Variants in TDRD3 observed in about 807,000 individuals in gnomAD.
TDRD3 encodes tudor domain-containing protein 3.
TDRD3 carries 45 observed loss-of-function variants against 86.7 expected under a neutral mutation model. The observed-to-expected ratio is 0.52, with a 90% confidence interval of 0.41 to 0.67. The LOEUF is 0.67. Ranked by LOEUF, TDRD3 falls within the 30% of genes least tolerant of loss-of-function variation. The pLI, the probability that TDRD3 is intolerant of heterozygous loss-of-function variation, is 0.00. For missense variants in TDRD3, 814 were observed against 889.0 expected, an observed-to-expected ratio of 0.92 and a Z score of 1.07; for synonymous variants, 298 against 301.7, an observed-to-expected ratio of 0.99 and a Z score of 0.13.
At chr13:60,419,783 A>G (rs929168681) in intron 1 of TDRD3, among the ~76,000 whole-genome samples, 7 of 152,156 alleles carry the variant, frequency 4.6e-5, no homozygotes, top group Non-Finnish European at 7.4e-5. Flanking sequence ...CATGTATCCC[A>G]GAACTTAAAG....
intron 7 of TDRD3, among the ~76,000 whole-genome samples, chr13:60,487,545 T>C (rs1394608098): frequency 2.0e-5 from 3 of 152,200 alleles, no homozygotes; most frequent in African/African-American, 7.2e-5. Flanking sequence ...TGCTATATCA[T>C]TTTATGTAAG....
At chr13:60,501,696 C>T (rs1956836548) in intron 8 of TDRD3, among the ~76,000 whole-genome samples, 1 of 152,162 alleles carries the variant, frequency 6.6e-6, no homozygotes, top group South Asian at 2.1e-4. Flanking sequence ...CCACAAAATG[C>T]TTAAACCTTC....
chr13:60,557,309 TC>T (rs1395498647), intron 12 of TDRD3, among the ~76,000 whole-genome samples: 1 of 151,686 alleles, frequency 6.6e-6, no homozygotes, highest in Non-Finnish European at 1.5e-5. Context: ...GCCAGAGAGC[TC>T]CCTTCACCAG....
At chr13:60,468,817 C>T (rs1468514677) in intron 5 of TDRD3, among the ~76,000 whole-genome samples, 1 of 152,088 alleles carries the variant, frequency 6.6e-6, no homozygotes, top group Non-Finnish European at 1.5e-5. Context: ...AAATGAATTA[C>T]AAAGCACATA....
At chr13:60,414,637 C>G (rs1402044816) in intron 1 of TDRD3, among the ~76,000 whole-genome samples, 1 of 152,126 alleles carries the variant, frequency 6.6e-6, no homozygotes, top group African/African-American at 2.4e-5. Context: ...TTTGTAGTGA[C>G]TAGTATGAAT....
chr13:60,539,864 G>A (rs1182024745), intron 12 of TDRD3, among the ~76,000 whole-genome samples: 1 of 151,902 alleles, frequency 6.6e-6, no homozygotes, highest in Non-Finnish European at 1.5e-5. Context: ...CTAGATAAAG[G>A]TCGTGTTAGT....
chr13:60,570,950 A>G (rs1958573552), intron 13 of TDRD3, among the ~76,000 whole-genome samples: 1 of 152,232 alleles, frequency 6.6e-6, no homozygotes, highest in African/African-American at 2.4e-5. Flanking sequence ...CAACGCACAC[A>G]GTTCCTAATC....
At chr13:60,451,924 G>A (rs542578258) in intron 3 of TDRD3, among the ~76,000 whole-genome samples, 17 of 152,188 alleles carry the variant, frequency 1.1e-4, no homozygotes, top group Admixed American at 2.0e-4. Flanking sequence ...TTGAATCTGC[G>A]CATTAGCTTA....
At chr13:60,480,132 A>G (rs1956279157) in intron 5 of TDRD3, among the ~76,000 whole-genome samples, 1 of 152,144 alleles carries the variant, frequency 6.6e-6, no homozygotes, top group African/African-American at 2.4e-5. Context: ...GACAGGTATC[A>G]TTTCTTCATT....
chr13:60,489,661 A>T (rs1249775174), intron 7 of TDRD3, among the ~76,000 whole-genome samples: 3 of 152,184 alleles, frequency 2.0e-5, no homozygotes, highest in African/African-American at 7.2e-5. Context: ...ACAAATCATA[A>T]CACTCTTGCT....
chr13:60,572,910 A>G (rs1406486590), intron 13 of TDRD3, among the ~76,000 whole-genome samples: 1 of 152,174 alleles, frequency 6.6e-6, no homozygotes, highest in African/African-American at 2.4e-5. Flanking sequence ...CCAGCAGAAC[A>G]GGCAGCAGGT....
chr13:60,433,755 A>G (rs1702417366), intron 1 of TDRD3, among the ~76,000 whole-genome samples: 1 of 152,236 alleles, frequency 6.6e-6, no homozygotes. Context: ...CTGCTTTACT[A>G]GTCCTCGTGC....
chr13:60,453,477 C>T (rs1276112802), intron 3 of TDRD3, among the ~76,000 whole-genome samples: 1 of 141,420 alleles, frequency 7.1e-6, no homozygotes, highest in Non-Finnish European at 1.6e-5. Context: ...TTTTCTCTAG[C>T]AACACTTTCC....
chr13:60,395,867 T>C (rs1457958219), upstream of TDRD3, among the ~76,000 whole-genome samples: 1 of 152,230 alleles, frequency 6.6e-6, no homozygotes, highest in Non-Finnish European at 1.5e-5. Context: ...CTACTGCACA[T>C]TGCAGCGAAC....
At chr13:60,543,977 T>G (rs559594456) in intron 12 of TDRD3, among the ~76,000 whole-genome samples, 16 of 152,002 alleles carry the variant, frequency 1.1e-4, no homozygotes, top group South Asian at 2.1e-4. Context: ...TTTTTTTTTT[T>G]TGTGATTCTT....
Position 60,397,417 on chromosome 13 carries a change from G to T in TDRD3, c.41+12G>T. ...TCCCAGGCGGGTTGGTAAGTGGCGAGTCCCGCCGGCTGCCGGGCCGCGGGT... is the reference window on the plus strand; with the variant it reads ...TCCCAGGCGGGTTGGTAAGTGGCGATTCCCGCCGGCTGCCGGGCCGCGGGT... On this transcript the variant is annotated intron_variant, in intron 1 of 13. Transcript: ENST00000377881. 6.7e-7 allele frequency: 1 copy of T among 1,486,472 alleles called. No homozygotes were observed. Among genetic ancestry groups the T allele is most frequent in the Non-Finnish European group, 8.9e-7 (1 of 1,119,884 alleles). 92.1% of individuals were successfully genotyped at this position (1,486,472 alleles called of 1,614,324 possible). A position where few individuals can be genotyped will look rare whatever the true frequency, so the allele number is the denominator to read the frequency against.
chr13:60,511,912 A>G (rs1250913534), intron 10 of TDRD3, among the ~76,000 whole-genome samples: 1 of 151,478 alleles, frequency 6.6e-6, no homozygotes. Context: ...CTTTTTCCTG[A>G]CTCTGACTTA....
At chr13:60,522,103 ATATTTT>A (rs945237768) in intron 10 of TDRD3, among the ~76,000 whole-genome samples, 28 of 152,096 alleles carry the variant, frequency 1.8e-4, no homozygotes, top group African/African-American at 6.3e-4. Flanking sequence ...GATGTAGAGA[ATATTTT>A]TATATGGAGA....
intron 13 of TDRD3, among the ~76,000 whole-genome samples, chr13:60,571,773 G>C (rs1365012913): frequency 6.6e-6 from 1 of 151,956 alleles, no homozygotes; most frequent in Non-Finnish European, 1.5e-5. Context: ...TGTGGTGAGA[G>C]AACTGGATTC....
Sources: gnomAD v4.1 joint callset for allele counts (sites outside exome capture counted in the v4.1 genomes callset) on GRCh38, gnomAD v4.1.1 for gene constraint, MANE v1.5 for transcripts, NCBI Gene and HGNC (gene_info 2026-07-23, HGNC 2026-07-21) for gene names.